Variants in CNIH1 observed in about 807,000 individuals in gnomAD.
CNIH1 encodes protein cornichon homolog 1.
A neutral mutation model predicts 20.2 loss-of-function variants in CNIH1; 12 were observed. That is an observed-to-expected ratio of 0.59 (90% CI 0.38 to 0.96). The LOEUF is 0.96. CNIH1 is among the 40% of genes least tolerant of loss of function. The pLI is 0.00. For missense variants in CNIH1, 152 were observed against 178.8 expected (o/e 0.85, Z 0.85); for synonymous variants, 69 against 63.3 (o/e 1.09, Z -0.43).
intron 1 of CNIH1, among the ~76,000 whole-genome samples, chr14:54,440,900 G>A (rs1184987028): frequency 6.6e-6 from 1 of 152,144 alleles, no homozygotes; most frequent in Non-Finnish European, 1.5e-5. Flanking sequence ...CCGCGCTGTC[G>A]ACATCCTCCC....
At chr14:54,427,979 T>C in intron 4 of CNIH1, 138 bp from the exon 5 acceptor site, 1 of 853,290 alleles carries the variant, frequency 1.2e-6, no homozygotes, top group South Asian at 1.6e-5. Flanking sequence ...ACAGTGATTT[T>C]AATTTGCATT....
chr14:54,431,983 A>T (rs2140002038), intron 3 of CNIH1, 125 bp downstream of exon 3: 1 of 453,400 alleles, frequency 2.2e-6, no homozygotes, highest in Non-Finnish European at 3.8e-6. Flanking sequence ...CTTGATTTTT[A>T]AAAAAATAAA....
At chr14:54,429,944 T>TCACA (rs1318107450) in intron 4 of CNIH1, among the ~76,000 whole-genome samples, 2 of 152,168 alleles carry the variant, frequency 1.3e-5, no homozygotes, top group African/African-American at 4.8e-5. Context: ...TTCTGCAAAC[T>TCACA]CACACATCCC....
chr14:54,430,866 C>G (rs2030928323), intron 3 of CNIH1, among the ~76,000 whole-genome samples: 1 of 151,994 alleles, frequency 6.6e-6, no homozygotes, highest in African/African-American at 2.4e-5. Flanking sequence ...GGGTCTTACC[C>G]TGTAACCCAG....
intron 1 of CNIH1, 67 bp downstream of exon 1, chr14:54,441,180 G>C (rs892914487): frequency 2.2e-6 from 3 of 1,392,336 alleles, no homozygotes; most frequent in African/African-American, 1.5e-5. Flanking sequence ...GGCCCGGACC[G>C]CGGGCCCGGG....
intron 1 of CNIH1, 81 bp downstream of exon 1, chr14:54,441,166 T>G: frequency 5.5e-5 from 70 of 1,282,752 alleles, no homozygotes; most frequent in Middle Eastern, 5.5e-4. Context: ...CCGGCGGCCG[T>G]GGCGGCCCGG....
intron 3 of CNIH1, among the ~76,000 whole-genome samples, chr14:54,431,059 A>C (rs2030932903): frequency 6.6e-6 from 1 of 152,086 alleles, no homozygotes; most frequent in Non-Finnish European, 1.5e-5. Flanking sequence ...TCCTGGGCTC[A>C]AGTGATCCAC....
At chr14:54,438,864 A>G (rs905861639) in intron 1 of CNIH1, among the ~76,000 whole-genome samples, 22 of 152,150 alleles carry the variant, frequency 1.4e-4, no homozygotes, top group African/African-American at 5.1e-4. Context: ...CTTGGAGGGA[A>G]TAAGTGAGTT....
intron 2 of CNIH1, among the ~76,000 whole-genome samples, chr14:54,433,889 T>C (rs2030997454): frequency 6.6e-6 from 1 of 152,126 alleles, no homozygotes; most frequent in Non-Finnish European, 1.5e-5. Flanking sequence ...AACAATGCCA[T>C]TCCCTCCCTT....
intron 2 of CNIH1, among the ~76,000 whole-genome samples, chr14:54,433,255 T>C (rs1368015817): frequency 6.6e-6 from 1 of 152,188 alleles, no homozygotes; most frequent in Non-Finnish European, 1.5e-5. Flanking sequence ...TGAATACTTA[T>C]CATCATCAGA....
chr14:54,429,266 C>T (rs1228320136), intron 4 of CNIH1, among the ~76,000 whole-genome samples: 2 of 152,180 alleles, frequency 1.3e-5, no homozygotes, highest in African/African-American at 4.8e-5. Flanking sequence ...TGGCAATGTC[C>T]AGAGACATTT....
intron 4 of CNIH1, 41 bp downstream of exon 4, chr14:54,430,220 A>C: frequency 6.2e-7 from 1 of 1,601,292 alleles, no homozygotes. Flanking sequence ...CTTTTAAAGC[A>C]GCAAAGTGAA....
At chr14:54,430,816 GTTTTTTGTTTTGT>G in intron 3 of CNIH1, among the ~76,000 whole-genome samples, 1 of 151,520 alleles carries the variant, frequency 6.6e-6, no homozygotes, top group Middle Eastern at 3.4e-3. Flanking sequence ...GTTTTTTTTG[GTTTTTTGTTTTGT>G]TTTTTTGTTG....
chr14:54,436,495 C>G (rs2031056732), intron 1 of CNIH1, 58 bp from the exon 2 acceptor site: 1 of 854,806 alleles, frequency 1.2e-6, no homozygotes, highest in Non-Finnish European at 1.9e-6. Flanking sequence ...AGCAACAAAC[C>G]TGCCCCATCT....
chr14:54,432,006 T>C (rs2030957544), intron 3 of CNIH1, 102 bp downstream of exon 3: 2 of 524,670 alleles, frequency 3.8e-6, no homozygotes, highest in East Asian at 7.3e-5. Flanking sequence ...CCAACTGATC[T>C]TCCATTTTTA....
intron 1 of CNIH1, among the ~76,000 whole-genome samples, chr14:54,437,679 A>T (rs895929039): frequency 2.5e-5 from 2 of 79,870 alleles, no homozygotes; most frequent in South Asian, 4.5e-4. Context: ...ACTAGGGATT[A>T]AAAAAAAAAA....
rs752675694 is a variant in CNIH1, at chr14:54,427,861, T to C, written c.408-20A>G. 2.5e-6 allele frequency: 4 copies of C among 1,611,802 alleles called. No individual in the cohort carries two copies. The highest frequency in any genetic ancestry group is 1.3e-5 in the African/African-American group (1 of 74,880). ...ATCATGCTGAAAAGAAGAAAAAAGA[T>C]GTTAATTTGAACATTACTAATTATT... On this transcript the variant is annotated intron_variant, in intron 4 of 4. Coordinates refer to ENST00000216416, the MANE Select transcript of CNIH1 (RefSeq NM_005776.3).
chr14:54,427,913 T>C, intron 4 of CNIH1, 72 bp from the exon 5 acceptor site: 2 of 1,374,278 alleles, frequency 1.5e-6, no homozygotes, highest in Non-Finnish European at 2.1e-6. Flanking sequence ...CATGAGAGAG[T>C]ATGCTTTATA....
rs1187640059 is a variant in CNIH1, at chr14:54,441,365, G to T, written c.-38C>A. The T allele has an allele frequency of 1.4e-6, 2 of 1,470,712 alleles. No individual in the cohort carries two copies. Among genetic ancestry groups the T allele is most frequent in the Non-Finnish European group, 1.8e-6 (2 of 1,099,246 alleles). 91.1% of individuals were successfully genotyped at this position (1,470,712 alleles called of 1,614,324 possible). A position where few individuals can be genotyped will look rare whatever the true frequency, so the allele number is the denominator to read the frequency against. On this transcript the variant is annotated 5_prime_UTR_variant, in exon 1 of 5. It adds an upstream start codon to the 5' untranslated region. Transcript: ENST00000216416. ...GGAGCGGGGAGCGGCGCCGTTGCCA[G>T]CGGAGAAAGGCGGCGCAGGGCCCTC...
Sources: allele counts gnomAD v4.1 joint callset (sites outside exome capture counted in the v4.1 genomes callset), GRCh38; gene constraint gnomAD v4.1.1; transcripts MANE v1.5; gene names NCBI Gene and HGNC (gene_info 2026-07-23, HGNC 2026-07-21).